Variants in DPP10 observed in about 807,000 individuals in gnomAD.
The protein encoded by DPP10 is inactive dipeptidyl peptidase 10.
In DPP10, 33 loss-of-function variants were observed where a neutral mutation model predicts 120.9. The ratio of observed to expected loss-of-function variants is 0.27; its 90% CI spans 0.21 to 0.37. The LOEUF (loss-of-function observed/expected upper bound fraction) is 0.37. DPP10 is among the 10% of genes least tolerant of loss of function. The probability of loss-of-function intolerance (pLI) is 1.00; values close to 1 mark genes in which losing one functional copy is unlikely to be tolerated. For missense variants in DPP10, 816 were observed against 942.8 expected, an observed-to-expected ratio of 0.87 and a Z score of 1.76; for synonymous variants, 337 against 326.1, an observed-to-expected ratio of 1.03 and a Z score of -0.36.
chr2:115,282,788 G>A (rs1392025383), intron 1 of DPP10, among the ~76,000 whole-genome samples: 2 of 151,964 alleles, frequency 1.3e-5, no homozygotes, highest in South Asian at 2.1e-4. Context: ...TAGCATCCTC[G>A]GATTTTAACA....
chr2:114,673,403 T>C (rs1698474122), intron 1 of DPP10, among the ~76,000 whole-genome samples: 3 of 152,158 alleles, frequency 2.0e-5, no homozygotes, highest in African/African-American at 7.2e-5. Context: ...AAAGATTTAG[T>C]GGCTATTTTT....
chr2:114,853,112 C>T (rs1414851142), intron 1 of DPP10, among the ~76,000 whole-genome samples: 1 of 152,036 alleles, frequency 6.6e-6, no homozygotes, highest in Non-Finnish European at 1.5e-5. Flanking sequence ...AATTTGAAAA[C>T]AGGCAAAACT....
intron 24 of DPP10, among the ~76,000 whole-genome samples, chr2:115,837,116 G>A (rs929976503): frequency 1.3e-5 from 2 of 152,196 alleles, no homozygotes; most frequent in East Asian, 1.9e-4. Flanking sequence ...TATGGTTACA[G>A]TGTTATTCAG....
intron 1 of DPP10, among the ~76,000 whole-genome samples, chr2:114,973,442 A>G (rs1235892434): frequency 6.6e-6 from 1 of 151,838 alleles, no homozygotes; most frequent in Admixed American, 6.6e-5. Flanking sequence ...CGGGTGGATC[A>G]CGAGGTCAGG....
At chr2:114,769,131 A>C (rs1285515798) in intron 1 of DPP10, among the ~76,000 whole-genome samples, 2 of 152,160 alleles carry the variant, frequency 1.3e-5, no homozygotes, top group African/African-American at 4.8e-5. Context: ...TACAGTTTGA[A>C]GTTTTAGAGT....
intron 9 of DPP10, among the ~76,000 whole-genome samples, chr2:115,740,869 C>T (rs1677174563): frequency 6.6e-6 from 1 of 152,092 alleles, no homozygotes; most frequent in Non-Finnish European, 1.5e-5. Flanking sequence ...TTTCTCTTCT[C>T]ATTTTAGCTC....
At chr2:115,187,763 A>G (rs888554381) in intron 1 of DPP10, among the ~76,000 whole-genome samples, 20 of 152,112 alleles carry the variant, frequency 1.3e-4, no homozygotes, top group African/African-American at 4.8e-4. Flanking sequence ...CCACTTTGGG[A>G]GGCTGAGGCG....
intron 1 of DPP10, among the ~76,000 whole-genome samples, chr2:115,250,607 C>G (rs548200471): frequency 2.0e-5 from 3 of 152,188 alleles, no homozygotes; most frequent in Admixed American, 2.0e-4. Context: ...ATTATTTATT[C>G]TTTTTAGTTT....
At chr2:114,935,425 A>G (rs1477881504) in intron 1 of DPP10, among the ~76,000 whole-genome samples, 1 of 152,138 alleles carries the variant, frequency 6.6e-6, no homozygotes, top group Non-Finnish European at 1.5e-5. Flanking sequence ...AAATGTACAC[A>G]TTCAGTATTG....
intron 1 of DPP10, among the ~76,000 whole-genome samples, chr2:115,255,564 C>T (rs917690189): frequency 3.9e-5 from 6 of 152,136 alleles, no homozygotes; most frequent in Admixed American, 2.0e-4. Context: ...ATCATATTGT[C>T]GGGCTGCAAA....
intron 1 of DPP10, among the ~76,000 whole-genome samples, chr2:114,759,690 T>C (rs1680105218): frequency 6.6e-6 from 1 of 151,948 alleles, no homozygotes. Context: ...TATAAGTGTT[T>C]AGGCAGCAGT....
chr2:115,828,718 T>C (rs1043435467), intron 21 of DPP10, among the ~76,000 whole-genome samples: 1 of 152,182 alleles, frequency 6.6e-6, no homozygotes, highest in Non-Finnish European at 1.5e-5. Flanking sequence ...TAAAAACTTC[T>C]ATTTTATATA....
chr2:115,641,748 TGGAA>T (rs2086798680), intron 5 of DPP10, among the ~76,000 whole-genome samples: 1 of 151,514 alleles, frequency 6.6e-6, no homozygotes, highest in South Asian at 2.1e-4. Flanking sequence ...AATGGATAAA[TGGAA>T]GGAATTCAAT....
chr2:115,479,441 G>A (rs1037258367), intron 3 of DPP10, among the ~76,000 whole-genome samples: 1 of 152,090 alleles, frequency 6.6e-6, no homozygotes, highest in African/African-American at 2.4e-5. Context: ...AATGCGTACA[G>A]ATTTTCAGTT....
intron 1 of DPP10, among the ~76,000 whole-genome samples, chr2:115,287,564 G>A (rs532606549): frequency 6.6e-6 from 1 of 152,136 alleles, no homozygotes; most frequent in African/African-American, 2.4e-5. Context: ...CCATTCTTGA[G>A]TTACTTCACT....
rs553433974 is a variant in DPP10, at chr2:115,481,205, A to C, written c.272-18305A>C. On this transcript the variant is annotated intron_variant, in intron 3 of 25. Coordinates refer to ENST00000410059, the MANE Select transcript of DPP10 (RefSeq NM_020868.6). ...AAGAAGAGATGAAGTGCAATTACTC[A>C]TATGCCCCTTTCAACATACTACTGT... Among the ~76,000 whole-genome samples, 144 of 152,242 alleles carry C rather than the reference A, an allele frequency of 9.5e-4. 1 individual carries two copies. Among genetic ancestry groups the C allele is most frequent in the African/African-American group, 3.2e-3 (133 of 41,580 alleles).
intron 1 of DPP10, among the ~76,000 whole-genome samples, chr2:115,121,801 T>C (rs1398405848): frequency 6.6e-6 from 1 of 152,186 alleles, no homozygotes; most frequent in African/African-American, 2.4e-5. Context: ...TATTCTGCTC[T>C]AGGTTTTGAA....
Position 114,973,661 on chromosome 2 carries a change from C to CA in DPP10, c.61-335556dup, listed in dbSNP as rs58042446. ...TGGGCAACGGAGTGAGACTCCGTCT[C>CA]AAAAAAAAAAAAAAAAAAAAAAGTT... is the stretch of plus-strand genomic sequence containing the variant. On this transcript the variant is annotated intron_variant, in intron 1 of 25. Coordinates refer to ENST00000410059, the MANE Select transcript of DPP10 (RefSeq NM_020868.6). 2.3e-4 allele frequency among the ~76,000 whole-genome samples: 16 copies of CA among 70,992 alleles called. No individual in the cohort carries two copies. The South Asian group carries it at 2.7e-3, about 12-fold the overall frequency. 46.6% of individuals were successfully genotyped at this position (70,992 alleles called of 152,430 possible).
chr2:115,475,068 G>A (rs2074987713), intron 3 of DPP10, among the ~76,000 whole-genome samples: 1 of 152,200 alleles, frequency 6.6e-6, no homozygotes, highest in African/African-American at 2.4e-5. Context: ...ACAGGCTGCA[G>A]AAATCTGCAT....
Sources: gnomAD v4.1 joint callset for allele counts (sites outside exome capture counted in the v4.1 genomes callset) on GRCh38, gnomAD v4.1.1 for gene constraint, MANE v1.5 for transcripts, NCBI Gene and HGNC (gene_info 2026-07-23, HGNC 2026-07-21) for gene names.